MYBBP1A: variants seen among roughly 807,000 people sequenced by gnomAD.
The protein encoded by MYBBP1A is MYB binding protein 1a, also known as myb-binding protein 1A.
MYBBP1A carries 147 observed loss-of-function variants against 136.3 expected under a neutral mutation model. The ratio of observed to expected loss-of-function variants is 1.08; its 90% CI spans 0.94 to 1.24. The LOEUF (loss-of-function observed/expected upper bound fraction) is 1.24, where lower values mean the gene tolerates loss of function less well. Ranked by LOEUF, MYBBP1A falls within the 50% of genes most tolerant of loss-of-function variation. MYBBP1A has a pLI of 0.00. For missense variants in MYBBP1A, 2,060 were observed against 1,727.4 expected (o/e 1.19, Z -3.41); for synonymous variants, 947 against 735.8 (o/e 1.29, Z -4.65).
In MYBBP1A at chr17:4,545,282, C is replaced by A; in HGVS notation, c.2137G>T (p.Glu713Ter). 1 of 1,613,122 alleles carries A rather than the reference C, an allele frequency of 6.2e-7. No homozygotes were observed. The highest frequency in any genetic ancestry group is 8.5e-7 in the Non-Finnish European group (1 of 1,179,916). ...DRVVVTDDSDERRLKGAEDKS... is the reference protein window; with the variant it reads ...DRVVVTDDSD ...ACCTCTGCACCCTTCAGCCGCCGCTCATCAGAATCGTCCGTCACCACCACA... is the reference window on the plus strand; with the variant it reads ...ACCTCTGCACCCTTCAGCCGCCGCTAATCAGAATCGTCCGTCACCACCACA... Residue 713 changes from glutamate (E) to a stop codon, truncating the protein, a stop_gained, in exon 16 of 26, where the codon GAG becomes TAG. Coordinates refer to ENST00000254718, the MANE Select transcript of MYBBP1A (RefSeq NM_014520.4). LOFTEE classifies it high-confidence loss of function.
chr17:4,550,966 T>C (rs1438015447), intron 8 of MYBBP1A, among the ~76,000 whole-genome samples: 1 of 152,210 alleles, frequency 6.6e-6, no homozygotes, highest in Non-Finnish European at 1.5e-5. Context: ...AGGCTCCCAG[T>C]GGGATAGTGT....
intron 19 of MYBBP1A, among the ~76,000 whole-genome samples, chr17:4,543,528 G>A (rs1276528141): frequency 1.3e-5 from 2 of 152,282 alleles, no homozygotes; most frequent in East Asian, 1.9e-4. Flanking sequence ...AGAACCCTCT[G>A]TGGCCCTGCA....
intron 2 of MYBBP1A, among the ~76,000 whole-genome samples, 178 bp downstream of exon 2, chr17:4,554,683 C>T (rs1161143387): frequency 6.6e-6 from 1 of 152,198 alleles, no homozygotes; most frequent in African/African-American, 2.4e-5. Flanking sequence ...AGGCCTTGCT[C>T]ACACCTTCTC....
chr17:4,552,415 C>T lies in MYBBP1A; in HGVS notation c.737+36G>A, dbSNP rs746967353. The T allele has an allele frequency of 3.7e-6, 6 of 1,607,668 alleles. No homozygotes were observed. The highest frequency in any genetic ancestry group is 5.1e-6 in the Non-Finnish European group (6 of 1,177,902). On this transcript the variant is annotated intron_variant, in intron 6 of 25. Coordinates refer to ENST00000254718, the MANE Select transcript of MYBBP1A (RefSeq NM_014520.4). The surrounding 1 kb of genome is among the most constrained non-coding windows in gnomAD (Gnocchi z 4.7). ...GGCCTGGCCAGATGCAGTCCCTTGG[C>T]CCCAGGGAGGGCAAATCCGCCCACC...
Position 4,545,829 on chromosome 17 carries a change from C to T in MYBBP1A, c.1921+17G>A, listed in dbSNP as rs780001888. On this transcript the variant is annotated intron_variant, in intron 14 of 25. Transcript: ENST00000254718. ...CCCACCCCACCACTCTAGTCCCTCTCGTGACCAAGGACCCACCGATGGTCT... is the reference window on the plus strand; with the variant it reads ...CCCACCCCACCACTCTAGTCCCTCTTGTGACCAAGGACCCACCGATGGTCT... 8 of 1,612,140 alleles carry T rather than the reference C, an allele frequency of 5.0e-6. No homozygotes were observed. Among genetic ancestry groups the T allele is most frequent in the East Asian group, 4.5e-5 (2 of 44,838 alleles).
In MYBBP1A at chr17:4,548,346, G is replaced by C; in HGVS notation, c.1557-36C>G. The C allele has an allele frequency of 6.2e-7, 1 of 1,608,306 alleles. No homozygotes were observed. Among genetic ancestry groups the C allele is most frequent in the Non-Finnish European group, 8.5e-7 (1 of 1,178,126 alleles). ...GATGGGGCTTGGGGTCAGCAGACCA[G>C]ATGAGTCAATGTAGCCGCCTCCCTC... On this transcript the variant is annotated intron_variant, in intron 11 of 25. Coordinates refer to ENST00000254718, the MANE Select transcript of MYBBP1A (RefSeq NM_014520.4). This position sits in a 1 kb window ranked among gnomAD's most constrained non-coding sequence, Gnocchi z 4.2.
rs1468336564 is a variant in MYBBP1A, at chr17:4,545,520, G to GGGAGGCT, written c.2073+83_2073+89dup. 95 of 1,517,258 alleles carry GGGAGGCT rather than the reference G, an allele frequency of 6.3e-5. 1 individual carries two copies. The African/African-American group carries it at 1.0e-3, about 17-fold the overall frequency. The allele number at this position is 1,517,258 out of a possible 1,614,324, so 94.0% of individuals were successfully genotyped here. ...TCCCACCGGCCGCAGGCTCCCGGCA[G>GGGAGGCT]GGAGGCTGGAGGCTGAAGCGGCACC... On this transcript the variant is annotated intron_variant, in intron 15 of 25. Coordinates refer to ENST00000254718, the MANE Select transcript of MYBBP1A (RefSeq NM_014520.4).
chr17:4,540,262 CGT>C lies in MYBBP1A; in HGVS notation c.3434+84_3434+85del, dbSNP rs1906272776. 4.1e-6 allele frequency: 6 copies of C among 1,474,598 alleles called. No individual in the cohort carries two copies. In the African/African-American group the frequency reaches 4.3e-5, roughly 11 times the overall value. The allele number at this position is 1,474,598 out of a possible 1,614,324, so 91.3% of individuals were successfully genotyped here. A position where few individuals can be genotyped will look rare whatever the true frequency, so the allele number is the denominator to read the frequency against. On this transcript the variant is annotated intron_variant, in intron 25 of 25. Transcript: ENST00000254718. ...CGTGTGCAGTGTGCGTGTGCAGCAG[CGT>C]GTGTGCAGCGTGTGTGTGTGTGCAG...
chr17:4,540,237 CGTGTGCAGTGT>C, intron 25 of MYBBP1A, 100 bp downstream of exon 25: 1 of 1,361,134 alleles, frequency 7.3e-7, no homozygotes, highest in African/African-American at 1.7e-5. Context: ...CAGCAGCATG[CGTGTGCAGTGT>C]GCGTGTGCAG....
chr17:4,549,923 A>G, intron 9 of MYBBP1A, 135 bp downstream of exon 9: 3 of 935,880 alleles, frequency 3.2e-6, no homozygotes, highest in Non-Finnish European at 4.8e-6. Context: ...CTCATATGAG[A>G]GCTAAGGCTC....
chr17:4,548,613 C>G lies in MYBBP1A; in HGVS notation c.1467G>C (p.Lys489Asn). The G allele has an allele frequency of 6.2e-7, 1 of 1,614,172 alleles. No individual in the cohort carries two copies. Among genetic ancestry groups the G allele is most frequent in the Non-Finnish European group, 8.5e-7 (1 of 1,179,998 alleles). ...TTGTCTCAGGGATCTGGGATGTGGG[C>G]TTCTTTGTGACAAAGAACGAGTGGA... ...CLFHSFFVTKKPTSQIPETKH... is the reference protein window; with the variant it reads ...CLFHSFFVTKNPTSQIPETKH... Residue 489 changes from lysine (K) to asparagine (N), a missense_variant, in exon 11 of 26, where the codon AAG becomes AAC. Coordinates refer to ENST00000254718, the MANE Select transcript of MYBBP1A (RefSeq NM_014520.4). The surrounding 1 kb of genome is among the most constrained non-coding windows in gnomAD (Gnocchi z 4.2).
At chr17:4,551,107 G>A (rs1907467422) in intron 8 of MYBBP1A, among the ~76,000 whole-genome samples, 3 of 152,168 alleles carry the variant, frequency 2.0e-5, no homozygotes, top group Non-Finnish European at 2.9e-5. Flanking sequence ...TCAGCCTCCC[G>A]AGTAACTGGG....
At chr17:4,545,386 G>A (rs374829425) in intron 15 of MYBBP1A, 41 bp from the exon 16 acceptor site, 101 of 1,605,366 alleles carry the variant, frequency 6.3e-5, no homozygotes, top group Middle Eastern at 3.3e-4. Flanking sequence ...TGCAGCCCCC[G>A]CCCTCCTCTC....
rs530983085 is a variant in MYBBP1A at position 4,548,896 on chromosome 17, C to T, written c.1431-247G>A. 2.6e-5 allele frequency among the ~76,000 whole-genome samples: 4 copies of T among 152,360 alleles called. No individual in the cohort carries two copies. Among genetic ancestry groups the T allele is most frequent in the African/African-American group, 9.6e-5 (4 of 41,588 alleles). ...CGGGTTAACCCGAGCTAGAGAGAGT[C>T]AGTGCCCCTCTCAAGGAACCAACAG... On this transcript the variant is annotated intron_variant, in intron 10 of 25. Transcript: ENST00000254718. The surrounding 1 kb of genome is among the most constrained non-coding windows in gnomAD (Gnocchi z 4.2).
chr17:4,549,485 G>A, intron 9 of MYBBP1A, 43 bp from the exon 10 acceptor site: 1 of 1,562,158 alleles, frequency 6.4e-7, no homozygotes, highest in East Asian at 2.3e-5. Flanking sequence ...ACTTATAACT[G>A]GCAGAAACAG....
chr17:4,542,559 G>A, intron 21 of MYBBP1A, 27 bp from the exon 22 acceptor site: 1 of 1,612,568 alleles, frequency 6.2e-7, no homozygotes, highest in Non-Finnish European at 8.5e-7. Flanking sequence ...AGGGCTGTGA[G>A]GTGCAGGCTG....
rs1374767622 is a variant in MYBBP1A, at chr17:4,548,185, G to A, written c.1682C>T (p.Thr561Ile). Residue 561 changes from threonine (T) to isoleucine (I), a missense_variant, in exon 12 of 26, where the codon ACC (threonine) becomes ATC (isoleucine). Physicochemically the swap from Thr to Ile is moderately conservative, Grantham distance 89. Transcript: ENST00000254718. This position sits in a 1 kb window ranked among gnomAD's most constrained non-coding sequence, Gnocchi z 4.2. ...LLLNHSHNVT[T>I]VTPFTAQQRQ... is the part of the protein sequence containing the mutation. ...CTGCTGCGCAGTGAAGGGTGTCACG[G>A]TGGTCACGTTGTGGCTGTGATTCAA... The A allele has an allele frequency of 6.2e-7, 1 of 1,606,422 alleles. No individual in the cohort carries two copies. Among genetic ancestry groups the A allele is most frequent in the Non-Finnish European group, 8.5e-7 (1 of 1,179,968 alleles).
Position 4,540,446 on chromosome 17 carries a change from C to T in MYBBP1A, c.3336G>A (p.Leu1112=). 1.9e-6 allele frequency: 3 copies of T among 1,610,904 alleles called. No individual in the cohort carries two copies. The highest frequency in any genetic ancestry group is 1.1e-5 in the South Asian group (1 of 90,968). The part of the protein sequence containing the change: ...TLDLTVLLGV[L]QGQQQSLQQG... ...GCTGTAGGCTCTGCTGTTGCCCCTG[C>T]AGCACACCCAGGAGCACCGTCAGGT... Residue 1112 remains leucine (L), a synonymous_variant, in exon 25 of 26, where the codon CTG becomes CTA. Coordinates refer to ENST00000254718, the MANE Select transcript of MYBBP1A (RefSeq NM_014520.4).
rs757133924 is a variant in MYBBP1A, at chr17:4,538,912, TCTTC to T, written c.*499_*502del. On this transcript the variant is annotated 3_prime_UTR_variant, in exon 26 of 26. Transcript: ENST00000254718. ...AGAACCAGGTCCGAGTGTTGCCTCCTCTTCCTTCCGGAAGCCAAACTGCTCCTTT... is the reference window on the plus strand; with the variant it reads ...AGAACCAGGTCCGAGTGTTGCCTCCTCTTCCGGAAGCCAAACTGCTCCTTT... The T allele has an allele frequency of 1.9e-5, 15 of 781,814 alleles. No individual in the cohort carries two copies. In the Admixed American group the frequency reaches 2.4e-4, roughly 12 times the overall value. 48.4% of individuals were successfully genotyped at this position (781,814 alleles called of 1,614,324 possible).
Sources: allele counts gnomAD v4.1 joint callset (sites outside exome capture counted in the v4.1 genomes callset), GRCh38; gene constraint gnomAD v4.1.1; non-coding constraint Gnocchi (gnomAD v3.1); transcripts MANE v1.5; gene names NCBI Gene and HGNC (gene_info 2026-07-23, HGNC 2026-07-21).